The following HERC3 variants were observed in gnomAD, a reference collection of about 807,000 sequenced individuals.
HERC3 encodes the protein HECT and RLD domain containing E3 ubiquitin protein ligase 3.
HERC3 carries 58 observed loss-of-function variants against 129.9 expected under a neutral mutation model. The observed-to-expected ratio is 0.45, with a 90% confidence interval of 0.36 to 0.56. The LOEUF is 0.56. Among genes scored for constraint, HERC3 ranks in the 20% least tolerant of loss-of-function variants. HERC3 has a pLI of 0.00. For missense variants in HERC3, 835 were observed against 1,244.2 expected, an observed-to-expected ratio of 0.67 and a Z score of 4.95; for synonymous variants, 430 against 451.0, an observed-to-expected ratio of 0.95 and a Z score of 0.59.
chr4:88,696,006 A>G (rs549809103), intron 23 of HERC3: 1 of 152,640 alleles, frequency 6.6e-6, no homozygotes, highest in Non-Finnish European at 1.5e-5. Context: ...CACATAATTC[A>G]AAACCCACAC....
At chr4:88,593,133 T>C (rs1721918218) in intron 1 of HERC3, 2 of 152,066 alleles carry the variant, frequency 1.3e-5, no homozygotes, top group African/African-American at 4.8e-5. Context: ...GCGTCCGCGA[T>C]GACAGCGCCG....
intron 5 of HERC3, 137 bp downstream of exon 5, chr4:88,652,225 A>G (rs940830309): frequency 1.5e-5 from 10 of 662,408 alleles, no homozygotes; most frequent in South Asian, 3.5e-5. Context: ...GACAGTGACA[A>G]TTCTCATATG....
chr4:88,685,360 A>G (rs1165049949), intron 21 of HERC3, among the ~76,000 whole-genome samples: 3 of 152,222 alleles, frequency 2.0e-5, no homozygotes, highest in African/African-American at 4.8e-5. Flanking sequence ...ATGCCCATCA[A>G]TGATAGACTG....
At chr4:88,662,352 G>C in intron 10 of HERC3, 79 bp from the exon 11 acceptor site, 1 of 1,379,794 alleles carries the variant, frequency 7.2e-7, no homozygotes, top group Non-Finnish European at 1.0e-6. Flanking sequence ...GTAAAATGGA[G>C]AATATGTGGG....
intron 3 of HERC3, among the ~76,000 whole-genome samples, chr4:88,611,003 C>A (rs1327767885): frequency 2.0e-5 from 3 of 152,204 alleles, no homozygotes; most frequent in Non-Finnish European, 1.5e-5. Context: ...GCAAGAATCC[C>A]AAGCTAGAGG....
In HERC3 at chr4:88,654,027, T is replaced by A; in HGVS notation, c.686-15T>A. 6.4e-7 allele frequency: 1 copy of A among 1,572,614 alleles called. No individual in the cohort carries two copies. Among genetic ancestry groups the A allele is most frequent in the South Asian group, 1.1e-5 (1 of 90,022 alleles). On this transcript the variant is annotated splice_polypyrimidine_tract_variant and intron_variant, in intron 6 of 25. Transcript: ENST00000402738. ...GGCAAATGGTAGTGATATTCTGATA[T>A]TTAATTTATTCTAGATCGAGAATCT...
Position 88,707,302 on chromosome 4 carries a change from T to C in HERC3, c.*342T>C. ...TAAACTTTAATTTCCCAAATGTCTC[T>C]CTCAGCCCTGATGTTTTCTCACAGT... On this transcript the variant is annotated 3_prime_UTR_variant, in exon 26 of 26. Transcript: ENST00000402738. The C allele has an allele frequency of 3.7e-6, 1 of 269,512 alleles. No homozygotes were observed. Among genetic ancestry groups the C allele is most frequent in the East Asian group, 1.0e-4 (1 of 9,912 alleles). 16.7% of individuals were successfully genotyped at this position (269,512 alleles called of 1,614,324 possible). A position where few individuals can be genotyped will look rare whatever the true frequency, so the allele number is the denominator to read the frequency against.
At chr4:88,686,881 C>T in intron 22 of HERC3, 79 bp downstream of exon 22, 1 of 1,073,900 alleles carries the variant, frequency 9.3e-7, no homozygotes, top group Non-Finnish European at 1.4e-6. Context: ...ATTAGTTCTT[C>T]TTCAAATCAT....
Position 88,706,891 on chromosome 4 carries a change from C to T in HERC3, c.3084C>T (p.Ser1028=). The T allele has an allele frequency of 6.2e-7, 1 of 1,614,184 alleles. No homozygotes were observed. The highest frequency in any genetic ancestry group is 8.5e-7 in the Non-Finnish European group (1 of 1,180,032). ...ACCTTCTTGACCTCCCCAAGTACAG[C>T]AGCAAAGAGATTCTGAGTGCCCGGC... The part of the protein sequence containing the change: ...CYNLLDLPKY[S]SKEILSARLT... Residue 1028 remains serine (S), a synonymous_variant, in exon 26 of 26, where the codon AGC becomes AGT. Coordinates refer to ENST00000402738, the MANE Select transcript of HERC3 (RefSeq NM_014606.3).
the HERC3 span, among the ~76,000 whole-genome samples, chr4:88,579,044 C>A: frequency 3.3e-5 from 5 of 151,978 alleles, no homozygotes; most frequent in Non-Finnish European, 5.9e-5. Context: ...ATGATCTGAA[C>A]AAATAATTGG....
the HERC3 span, among the ~76,000 whole-genome samples, chr4:88,524,217 C>G: frequency 6.6e-6 from 1 of 152,142 alleles, no homozygotes; most frequent in African/African-American, 2.4e-5. Flanking sequence ...TGGCTTTTTT[C>G]TCTCTCATTA....
chr4:88,591,787 G>C (rs1052222436), upstream of HERC3, among the ~76,000 whole-genome samples: 1 of 152,196 alleles, frequency 6.6e-6, no homozygotes, highest in African/African-American at 2.4e-5. Context: ...AGGCCACAGA[G>C]TGTCTTTCAG....
At chr4:88,573,445 T>A in the HERC3 span, among the ~76,000 whole-genome samples, 1 of 152,214 alleles carries the variant, frequency 6.6e-6, no homozygotes, top group Non-Finnish European at 1.5e-5. Flanking sequence ...CGAGTCAGTG[T>A]CACTAGGGAC....
At chr4:88,597,609 CTT>C (rs1332773647) in intron 2 of HERC3, among the ~76,000 whole-genome samples, 2 of 152,150 alleles carry the variant, frequency 1.3e-5, no homozygotes, top group South Asian at 4.1e-4. Context: ...TATTGTTAGA[CTT>C]TTCAATTCTT....
chr4:88,572,813 A>T, the HERC3 span, among the ~76,000 whole-genome samples: 9 of 141,856 alleles, frequency 6.3e-5, no homozygotes, highest in African/African-American at 1.4e-4. Flanking sequence ...CTCAAAAAAA[A>T]AAAAATAATA....
chr4:88,562,514 A>G, the HERC3 span, among the ~76,000 whole-genome samples: 1 of 152,088 alleles, frequency 6.6e-6, no homozygotes, highest in African/African-American at 2.4e-5. Context: ...ATGTGATCCC[A>G]TGTGTCCATT....
At chr4:88,575,444 TCTTTTGCTCC>T in the HERC3 span, among the ~76,000 whole-genome samples, 1 of 152,210 alleles carries the variant, frequency 6.6e-6, no homozygotes, top group African/African-American at 2.4e-5. Context: ...TCACTTGCTC[TCTTTTGCTCC>T]CCCATCTAAA....
rs898321036 is a variant in HERC3 at position 88,707,801 on chromosome 4, A to G, written c.*841A>G. The stretch of plus-strand genomic sequence containing the variant: ...GTTGCATTAACTATTTTGAGTCTCT[A>G]TATTGTCCAAGAAAAGTAGAAATAA... On this transcript the variant is annotated 3_prime_UTR_variant, in exon 26 of 26. Coordinates refer to ENST00000402738, the MANE Select transcript of HERC3 (RefSeq NM_014606.3). The G allele has an allele frequency of 6.6e-6, 1 of 152,640 alleles. No homozygotes were observed. Among genetic ancestry groups the G allele is most frequent in the East Asian group, 1.9e-4 (1 of 5,178 alleles). The allele number at this position is 152,640 out of a possible 1,614,324, so 9.5% of individuals were successfully genotyped here. A position where few individuals can be genotyped will look rare whatever the true frequency, so the allele number is the denominator to read the frequency against.
chr4:88,704,251 C>G lies in HERC3; in HGVS notation c.2811C>G (p.Asn937Lys). The G allele has an allele frequency of 1.2e-6, 2 of 1,614,102 alleles. No individual in the cohort carries two copies. Among genetic ancestry groups the G allele is most frequent in the Non-Finnish European group, 1.7e-6 (2 of 1,180,026 alleles). ...PSELRAMMVGNSNYNWEELEE... is the reference protein window; with the variant it reads ...PSELRAMMVGKSNYNWEELEE... ...AACTGAGGGCTATGATGGTGGGGAA[C>G]AGCAACTACAACTGGGAAGAACTGG... is the stretch of plus-strand genomic sequence containing the variant. The change falls in exon 24 of 26, where the codon AAC (asparagine) becomes AAG (lysine). Residue 937 changes from asparagine (N) to lysine (K), a missense_variant. Transcript: ENST00000402738.
Sources: allele counts gnomAD v4.1 joint callset (sites outside exome capture counted in the v4.1 genomes callset), GRCh38; gene constraint gnomAD v4.1.1; transcripts MANE v1.5; gene names NCBI Gene and HGNC (gene_info 2026-07-23, HGNC 2026-07-21).